The following NAALADL2 variants were observed in gnomAD, a reference collection of about 807,000 sequenced individuals.
NAALADL2 encodes the protein inactive N-acetylated-alpha-linked acidic dipeptidase-like protein 2.
Under a neutral mutation model 87.2 loss-of-function variants are expected in NAALADL2, and 76 were observed. The ratio of observed to expected loss-of-function variants is 0.87; its 90% confidence interval spans 0.72 to 1.05. NAALADL2 has a LOEUF of 1.05. NAALADL2 is among the 50% of genes least tolerant of loss of function. The pLI is 0.00. For synonymous variants in NAALADL2, 354 were observed against 331.0 expected, an observed-to-expected ratio of 1.07 and a Z score of -0.75; for missense variants, 1,089 against 945.8, an observed-to-expected ratio of 1.15 and a Z score of -1.99.
intron 1 of NAALADL2, among the ~76,000 whole-genome samples, chr3:174,951,954 A>T (rs1385664765): frequency 6.6e-6 from 1 of 152,082 alleles, no homozygotes. Flanking sequence ...TCTAAACCTA[A>T]GATAATTTTG....
chr3:174,884,333 C>T (rs1272333242), intron 1 of NAALADL2, among the ~76,000 whole-genome samples: 4 of 152,136 alleles, frequency 2.6e-5, no homozygotes, highest in Non-Finnish European at 5.9e-5. Flanking sequence ...TGTGTCCCAG[C>T]CCTGAAAAGT....
At chr3:175,721,964 T>C (rs1305751316) in intron 11 of NAALADL2, among the ~76,000 whole-genome samples, 1 of 152,098 alleles carries the variant, frequency 6.6e-6, no homozygotes, top group Admixed American at 6.6e-5. Context: ...TTTTTGTATA[T>C]GGTATGTTTA....
In NAALADL2 at chr3:175,015,508, T is replaced by TA. The variant is rs1750696907; in HGVS notation, c.44-81281dup. Reference sequence around the variant, plus strand: ...CCTGAGACCTGATAAAGCATAAAGATACTTAATTTTAGGAAGCACTTGTGC... The same window carrying TA: ...CCTGAGACCTGATAAAGCATAAAGATAACTTAATTTTAGGAAGCACTTGTGC... On this transcript the variant is annotated intron_variant, in intron 1 of 13. Coordinates refer to ENST00000454872, the MANE Select transcript of NAALADL2 (RefSeq NM_207015.3). 2.0e-5 allele frequency among the ~76,000 whole-genome samples: 3 copies of TA among 152,244 alleles called. No individual in the cohort carries two copies. The South Asian group carries it at 6.2e-4, about 32-fold the overall frequency.
chr3:175,636,414 A>G (rs758377613), intron 11 of NAALADL2, among the ~76,000 whole-genome samples: 3 of 152,060 alleles, frequency 2.0e-5, no homozygotes, highest in Non-Finnish European at 4.4e-5. Flanking sequence ...ACTTCAAGGA[A>G]TCGGCGGGGC....
chr3:175,747,723 C>T (rs539098534), intron 12 of NAALADL2, among the ~76,000 whole-genome samples: 2 of 151,858 alleles, frequency 1.3e-5, no homozygotes, highest in African/African-American at 2.4e-5. Context: ...TTTCAACTTT[C>T]TGCCTCAGGA....
chr3:175,528,920 G>A (rs921582341), intron 9 of NAALADL2, among the ~76,000 whole-genome samples: 1 of 152,214 alleles, frequency 6.6e-6, no homozygotes, highest in East Asian at 1.9e-4. Context: ...TCACGTGGTT[G>A]TAGCTAGTAT....
intron 1 of NAALADL2, among the ~76,000 whole-genome samples, chr3:174,871,138 A>T (rs1727773018): frequency 6.6e-6 from 1 of 152,224 alleles, no homozygotes; most frequent in Non-Finnish European, 1.5e-5. Context: ...AGAAATATAG[A>T]TTTACCTTTA....
intron 4 of NAALADL2, among the ~76,000 whole-genome samples, chr3:175,259,952 C>G (rs992549238): frequency 1.3e-5 from 2 of 151,866 alleles, no homozygotes; most frequent in Non-Finnish European, 2.9e-5. Context: ...CGCTTGAACC[C>G]GGGAGGTGGA....
intron 1 of NAALADL2, among the ~76,000 whole-genome samples, chr3:174,501,260 A>ATTTTTT (rs1718872188): frequency 6.8e-6 from 1 of 147,816 alleles, no homozygotes; most frequent in Non-Finnish European, 1.5e-5. Context: ...TTGTATTTTT[A>ATTTTTT]GTAGAGACGG....
chr3:175,717,690 C>T (rs1741507650), intron 11 of NAALADL2, among the ~76,000 whole-genome samples: 1 of 135,486 alleles, frequency 7.4e-6, no homozygotes, highest in Non-Finnish European at 1.6e-5. Flanking sequence ...GACCCTGTCT[C>T]CAAAAAAAAA....
chr3:175,171,372 A>G lies in NAALADL2; in HGVS notation c.546-62559A>G, dbSNP rs559704859. The stretch of plus-strand genomic sequence containing the variant: ...TAACGATGGAGATGGCCCATGACAC[A>G]TAACAATCGAATAGCAGATTTAAGT... On this transcript the variant is annotated intron_variant, in intron 2 of 13. Transcript: ENST00000454872. Among the ~76,000 whole-genome samples the G allele has an allele frequency of 7.9e-4, 121 of 152,202 alleles. 1 individual carries two copies. Among genetic ancestry groups the G allele is most frequent in the African/African-American group, 2.8e-3 (117 of 41,558 alleles).
At chr3:175,044,534 G>A (rs1754449976) in intron 1 of NAALADL2, among the ~76,000 whole-genome samples, 1 of 152,014 alleles carries the variant, frequency 6.6e-6, no homozygotes, top group Non-Finnish European at 1.5e-5. Flanking sequence ...AATCATAAAA[G>A]TTTTGAGCTG....
chr3:174,597,751 G>T (rs953830722), intron 2 of NAALADL2, among the ~76,000 whole-genome samples: 7 of 152,098 alleles, frequency 4.6e-5, no homozygotes, highest in Non-Finnish European at 8.8e-5. Context: ...AATTTGTATT[G>T]CAATTAATGT....
chr3:175,406,057 A>C (rs567800752), intron 5 of NAALADL2, among the ~76,000 whole-genome samples: 22 of 152,342 alleles, frequency 1.4e-4, no homozygotes, highest in Non-Finnish European at 2.6e-4. Context: ...TGGAGTTTAT[A>C]GCCGGTGTTG....
At chr3:174,611,665 C>T (rs941858917) in intron 2 of NAALADL2, among the ~76,000 whole-genome samples, 6 of 149,910 alleles carry the variant, frequency 4.0e-5, no homozygotes, top group East Asian at 4.0e-4. Context: ...GATCTCGGCT[C>T]GCTGCAACCT....
chr3:175,751,894 GTTTAA>G (rs964476475), intron 12 of NAALADL2, among the ~76,000 whole-genome samples: 100 of 151,810 alleles, frequency 6.6e-4, no homozygotes, highest in African/African-American at 2.2e-3. Context: ...TTTCAATTTA[GTTTAA>G]TTTAACTTAT....
chr3:175,059,098 GAC>G (rs1712870374), intron 1 of NAALADL2, among the ~76,000 whole-genome samples: 3 of 152,160 alleles, frequency 2.0e-5, no homozygotes, highest in Admixed American at 2.0e-4. Context: ...GTAAAATAAT[GAC>G]ACTTCGTGTG....
intron 2 of NAALADL2, among the ~76,000 whole-genome samples, chr3:174,627,307 C>T (rs1721668286): frequency 6.6e-6 from 1 of 151,902 alleles, no homozygotes; most frequent in Non-Finnish European, 1.5e-5. Flanking sequence ...TTAAAGAGTA[C>T]ATATGGCCAA....
At chr3:174,883,879 A>C (rs781286585) in intron 1 of NAALADL2, among the ~76,000 whole-genome samples, 3 of 152,142 alleles carry the variant, frequency 2.0e-5, no homozygotes, top group Non-Finnish European at 4.4e-5. Context: ...GGGCATGGTA[A>C]TACTAAGAGA....
Sources: gnomAD v4.1 joint callset for allele counts (sites outside exome capture counted in the v4.1 genomes callset) on GRCh38, gnomAD v4.1.1 for gene constraint, MANE v1.5 for transcripts, NCBI Gene and HGNC (gene_info 2026-07-23, HGNC 2026-07-21) for gene names.